Variants in HIVEP3 observed in about 807,000 individuals in gnomAD.
HIVEP3 encodes the protein HIVEP zinc finger 3, also known as transcription factor HIVEP3.
HIVEP3 carries 49 observed loss-of-function variants against 152.8 expected under a neutral mutation model. The ratio of observed to expected loss-of-function variants is 0.32; its 90% CI spans 0.26 to 0.41. The LOEUF is 0.41. Ranked by LOEUF, HIVEP3 falls within the 10% of genes least tolerant of loss-of-function variation. HIVEP3 has a pLI of 1.00. For synonymous variants in HIVEP3, 1,269 were observed against 1,289.0 expected, an observed-to-expected ratio of 0.98 and a Z score of 0.33; for missense variants, 2,790 against 3,103.3, an observed-to-expected ratio of 0.90 and a Z score of 2.40.
intron 5 of HIVEP3, among the ~76,000 whole-genome samples, chr1:41,559,038 G>A (rs1343673567): frequency 6.6e-6 from 1 of 151,972 alleles, no homozygotes; most frequent in Non-Finnish European, 1.5e-5. Flanking sequence ...TGACAGCTGG[G>A]CCTGTCCATC....
intron 5 of HIVEP3, among the ~76,000 whole-genome samples, chr1:41,549,545 C>G (rs890309693): frequency 6.6e-6 from 1 of 152,136 alleles, no homozygotes; most frequent in Non-Finnish European, 1.5e-5. Context: ...GTTGTTTCCT[C>G]ACTTTTTAAT....
chr1:42,033,718 G>C (rs1008010592), intron 1 of HIVEP3, among the ~76,000 whole-genome samples: 4 of 152,204 alleles, frequency 2.6e-5, no homozygotes, highest in African/African-American at 9.7e-5. Context: ...CTCAATGTTG[G>C]TTATTACACT....
At chr1:41,700,570 G>T (rs781100490) in intron 2 of HIVEP3, among the ~76,000 whole-genome samples, 15 of 152,032 alleles carry the variant, frequency 9.9e-5, no homozygotes, top group Non-Finnish European at 1.9e-4. Context: ...GGTTCACCGA[G>T]TCCCACTCCC....
intron 2 of HIVEP3, among the ~76,000 whole-genome samples, chr1:41,687,971 CAGATGAATGA>C (rs1198629246): frequency 1.3e-5 from 2 of 152,072 alleles, no homozygotes; most frequent in African/African-American, 4.8e-5. Context: ...GCCACAGCTC[CAGATGAATGA>C]ATGAATGAAT....
chr1:41,527,251 A>ACCC (rs1383936592), intron 5 of HIVEP3, among the ~76,000 whole-genome samples: 4 of 40,152 alleles, frequency 1.0e-4, no homozygotes, highest in Non-Finnish European at 1.7e-4. Context: ...CCTCACACAC[A>ACCC]CACACCCTCA....
chr1:41,722,747 T>C (rs1050719793), intron 1 of HIVEP3, among the ~76,000 whole-genome samples: 1 of 151,936 alleles, frequency 6.6e-6, no homozygotes, highest in Non-Finnish European at 1.5e-5. Context: ...CCAGGGAGCA[T>C]AGGAGCACAT....
At chr1:41,920,598 T>G (rs1475824700), upstream of HIVEP3, among the ~76,000 whole-genome samples, 14 of 151,968 alleles carry the variant, frequency 9.2e-5, no homozygotes, top group African/African-American at 3.4e-4. Flanking sequence ...TTTGTTTTGT[T>G]TTTTACCCCA....
intron 6 of HIVEP3, among the ~76,000 whole-genome samples, chr1:41,522,350 C>A (rs187724440): frequency 1.1e-4 from 16 of 152,204 alleles, no homozygotes; most frequent in Non-Finnish European, 1.9e-4. Flanking sequence ...CCTGGCCTTC[C>A]CTCTATTAGT....
In HIVEP3 at chr1:41,513,506, G is replaced by T. The variant is rs751233113; in HGVS notation, c.5715C>A (p.Ala1905=). The T allele has an allele frequency of 6.2e-7, 1 of 1,604,710 alleles. No individual in the cohort carries two copies. The highest frequency in any genetic ancestry group is 1.1e-5 in the South Asian group (1 of 90,504). The part of the protein sequence containing the change: ...SPILGPQPPD[A]PASGTEATRG... Reference sequence around the variant, plus strand: ...GTGTAGCCTCCGTGCCAGAGGCGGGGGCATCTGGGGGCTGAGGGCCCAGGA... The same window carrying T: ...GTGTAGCCTCCGTGCCAGAGGCGGGTGCATCTGGGGGCTGAGGGCCCAGGA... The change falls in exon 8 of 9, where the codon GCC becomes GCA. Residue 1905 remains alanine (A), a synonymous_variant. Transcript: ENST00000372583.
intron 1 of HIVEP3, among the ~76,000 whole-genome samples, chr1:41,748,196 G>A (rs936203604): frequency 6.6e-6 from 1 of 152,230 alleles, no homozygotes; most frequent in African/African-American, 2.4e-5. Flanking sequence ...CCACAAGCTG[G>A]ATTGGTGCTA....
chr1:41,667,235 T>C (rs1039264953), intron 2 of HIVEP3, among the ~76,000 whole-genome samples: 1 of 152,240 alleles, frequency 6.6e-6, no homozygotes, highest in African/African-American at 2.4e-5. Context: ...CAGAGCATGC[T>C]GAACTGTTAA....
At chr1:41,880,333 A>G (rs1396394613) in intron 1 of HIVEP3, among the ~76,000 whole-genome samples, 1 of 152,128 alleles carries the variant, frequency 6.6e-6, no homozygotes, top group Non-Finnish European at 1.5e-5. Context: ...GTGAGCCACC[A>G]TGCCTGGCCC....
At chr1:41,722,777 A>G (rs890292642) in intron 1 of HIVEP3, among the ~76,000 whole-genome samples, 1 of 152,124 alleles carries the variant, frequency 6.6e-6, no homozygotes, top group Non-Finnish European at 1.5e-5. Context: ...AGGCTTCCAC[A>G]GGTGTGGAGG....
chr1:41,572,638 C>T (rs1295418063), intron 5 of HIVEP3, among the ~76,000 whole-genome samples: 1 of 152,182 alleles, frequency 6.6e-6, no homozygotes, highest in Non-Finnish European at 1.5e-5. Context: ...ACAGAGCACC[C>T]AAAAGGCACT....
intron 1 of HIVEP3, among the ~76,000 whole-genome samples, chr1:41,790,269 C>T (rs1383615103): frequency 6.6e-6 from 1 of 152,100 alleles, no homozygotes; most frequent in East Asian, 1.9e-4. Flanking sequence ...CTTGGCACCT[C>T]CCCTCTCTCT....
rs564970481 is a variant in HIVEP3, at chr1:41,840,736, C to T, written c.-801+77677G>A. On this transcript the variant is annotated intron_variant, in intron 1 of 8. Coordinates refer to ENST00000372583, the MANE Select transcript of HIVEP3 (RefSeq NM_024503.5). ...CCCACGGAGCCCATCAGATCCTGGCCGTGCCAGCCAGCCAGTCACTGGACG... is the reference window on the plus strand; with the variant it reads ...CCCACGGAGCCCATCAGATCCTGGCTGTGCCAGCCAGCCAGTCACTGGACG... 8.3e-4 allele frequency among the ~76,000 whole-genome samples: 127 copies of T among 152,268 alleles called. 1 individual carries two copies. Among genetic ancestry groups the T allele is most frequent in the Non-Finnish European group, 1.5e-3 (99 of 68,028 alleles).
chr1:41,597,377 T>C (rs572055615), intron 3 of HIVEP3, among the ~76,000 whole-genome samples: 2 of 152,328 alleles, frequency 1.3e-5, no homozygotes, highest in South Asian at 2.1e-4. Context: ...TTTCCCCTGA[T>C]TGTCTGTGGG....
chr1:41,817,749 C>T (rs1239085457), intron 1 of HIVEP3, among the ~76,000 whole-genome samples: 1 of 152,232 alleles, frequency 6.6e-6, no homozygotes, highest in Non-Finnish European at 1.5e-5. Context: ...AATCCTCACC[C>T]TTTAGGCATC....
At chr1:41,600,779 G>C (rs896603124) in intron 3 of HIVEP3, among the ~76,000 whole-genome samples, 1 of 152,162 alleles carries the variant, frequency 6.6e-6, no homozygotes, top group African/African-American at 2.4e-5. Flanking sequence ...AATATGTCAT[G>C]AAGTTTTCCC....
Sources: allele counts gnomAD v4.1 joint callset (sites outside exome capture counted in the v4.1 genomes callset), GRCh38; gene constraint gnomAD v4.1.1; transcripts MANE v1.5; gene names NCBI Gene and HGNC (gene_info 2026-07-23, HGNC 2026-07-21).